RPGRIP1L: variants seen among roughly 807,000 people sequenced by gnomAD.
The protein encoded by RPGRIP1L is RPGRIP1 like.
RPGRIP1L carries 131 observed loss-of-function variants against 160.4 expected under a neutral mutation model. That is an observed-to-expected ratio of 0.82 (90% CI 0.71 to 0.94). RPGRIP1L has a LOEUF of 0.94. Among genes scored for constraint, RPGRIP1L ranks in the 40% least tolerant of loss-of-function variants. The pLI is 0.00. For synonymous variants in RPGRIP1L, 510 were observed against 515.8 expected, an observed-to-expected ratio of 0.99 and a Z score of 0.15; for missense variants, 1,522 against 1,535.8, an observed-to-expected ratio of 0.99 and a Z score of 0.15.
At chr16:53,621,144 A>T (rs1016607364) in intron 23 of RPGRIP1L, among the ~76,000 whole-genome samples, 1 of 152,202 alleles carries the variant, frequency 6.6e-6, no homozygotes, top group African/African-American at 2.4e-5. Context: ...AATCAAATTT[A>T]TCTAAGTGGT....
At chr16:53,629,251 G>A (rs550249614) in intron 22 of RPGRIP1L, among the ~76,000 whole-genome samples, 1 of 152,170 alleles carries the variant, frequency 6.6e-6, no homozygotes, top group East Asian at 1.9e-4. Flanking sequence ...ATTTAACAAT[G>A]CTCCCCAGAC....
chr16:53,640,780 TA>T lies in RPGRIP1L; in HGVS notation c.2958+252del, dbSNP rs890389498. Among the ~76,000 whole-genome samples, 297 of 147,886 alleles carry T rather than the reference TA, an allele frequency of 2.0e-3. 2 individuals are homozygous for T. Among genetic ancestry groups the T allele is most frequent in the African/African-American group, 6.8e-3 (275 of 40,428 alleles). On this transcript the variant is annotated intron_variant, in intron 19 of 26. Transcript: ENST00000647211. ...GAATTTAGACAATTTTTTGAAGACT[TA>T]AAAAAAAAATAGGAGCAGAGGATTG...
intron 4 of RPGRIP1L, among the ~76,000 whole-genome samples, chr16:53,688,345 T>C (rs1970161877): frequency 6.6e-6 from 1 of 151,992 alleles, no homozygotes; most frequent in Admixed American, 6.6e-5. Flanking sequence ...GTGATAAGGG[T>C]TTTTTAAATT....
intron 22 of RPGRIP1L, among the ~76,000 whole-genome samples, chr16:53,624,808 C>T (rs1165262757): frequency 3.4e-5 from 5 of 146,456 alleles, no homozygotes; most frequent in African/African-American, 1.3e-4. Context: ...CCACGGTCTC[C>T]CTCTGTTGCC....
intron 5 of RPGRIP1L, 112 bp from the exon 6 acceptor site, chr16:53,686,688 T>G (rs1970042343): frequency 3.0e-6 from 3 of 1,015,536 alleles, no homozygotes. Context: ...GTTAAAAAAT[T>G]TAGCTTAAGT....
At chr16:53,633,914 A>C (rs527684046) in intron 22 of RPGRIP1L, among the ~76,000 whole-genome samples, 10 of 152,264 alleles carry the variant, frequency 6.6e-5, no homozygotes, top group Admixed American at 5.2e-4. Context: ...TAGTACACAC[A>C]AAAACTGGTA....
chr16:53,606,697 T>A (rs972195598), intron 25 of RPGRIP1L, among the ~76,000 whole-genome samples: 3 of 152,172 alleles, frequency 2.0e-5, no homozygotes, highest in Admixed American at 6.5e-5. Flanking sequence ...CACTGCAACC[T>A]CTGCCTCCTG....
intron 13 of RPGRIP1L, 89 bp downstream of exon 13, chr16:53,657,364 G>A (rs1466916841): frequency 2.3e-6 from 2 of 853,894 alleles, no homozygotes; most frequent in Non-Finnish European, 3.8e-6. Flanking sequence ...GATGTTAATA[G>A]ATAACAGGTG....
At chr16:53,699,200 T>C (rs1484262738) in intron 2 of RPGRIP1L, among the ~76,000 whole-genome samples, 4 of 151,752 alleles carry the variant, frequency 2.6e-5, no homozygotes, top group African/African-American at 9.7e-5. Flanking sequence ...AGCATGCTCG[T>C]TAAGAGTCAT....
At chr16:53,648,940 G>C (rs1021698859) in intron 16 of RPGRIP1L, 24 bp downstream of exon 16, 7 of 1,601,376 alleles carry the variant, frequency 4.4e-6, no homozygotes, top group Non-Finnish European at 6.0e-6. Flanking sequence ...GTCATAAAAG[G>C]GTCTTAAAGC....
intron 9 of RPGRIP1L, among the ~76,000 whole-genome samples, chr16:53,667,114 A>G (rs1261399654): frequency 6.6e-6 from 1 of 152,182 alleles, no homozygotes; most frequent in Non-Finnish European, 1.5e-5. Context: ...ATGTTTTTGT[A>G]TATTGCCTAT....
chr16:53,622,334 A>G lies in RPGRIP1L; in HGVS notation c.3317T>C (p.Leu1106Pro). 1.6e-6 allele frequency: 1 copy of G among 638,834 alleles called. No individual in the cohort carries two copies. 39.6% of individuals were successfully genotyped at this position (638,834 alleles called of 1,614,324 possible). ...AGCTGAGATCGCGCTACTGCACCCCAGCCCGGGAGACAATGCGAGACTCTG... is the reference window on the plus strand; with the variant it reads ...AGCTGAGATCGCGCTACTGCACCCCGGCCCGGGAGACAATGCGAGACTCTG... ...IKQSLALSPGLGCSSAISAHC... is the reference protein window; with the variant it reads ...IKQSLALSPGPGCSSAISAHC... Residue 1106 changes from leucine to proline, a missense_variant, in exon 23 of 27, where the codon CTG becomes CCG. By Grantham distance (98) the Leu-to-Pro change is moderately conservative. Coordinates refer to ENST00000647211, the MANE Select transcript of RPGRIP1L (RefSeq NM_015272.5).
chr16:53,647,180 T>C (rs1966610550), intron 16 of RPGRIP1L, among the ~76,000 whole-genome samples: 1 of 152,140 alleles, frequency 6.6e-6, no homozygotes, highest in Non-Finnish European at 1.5e-5. Flanking sequence ...GCCAGAAAGA[T>C]GGTCTCTGGA....
chr16:53,622,846 A>ACACACACACACAC (rs1964828247), intron 22 of RPGRIP1L, among the ~76,000 whole-genome samples: 1 of 113,202 alleles, frequency 8.8e-6, no homozygotes, highest in African/African-American at 5.1e-5. Context: ...CACACACACA[A>ACACACACACACAC]ATAGCCAGGC....
chr16:53,616,165 A>G lies in RPGRIP1L; in HGVS notation c.3616+2860T>C, dbSNP rs115927743. Among the ~76,000 whole-genome samples, 756 of 152,286 alleles carry G rather than the reference A, an allele frequency of 5.0e-3. 6 individuals are homozygous for G. Among genetic ancestry groups the G allele is most frequent in the African/African-American group, 0.017 (708 of 41,558 alleles). On this transcript the variant is annotated intron_variant, in intron 24 of 26. Transcript: ENST00000647211. ...AATTGTCCTCTAAATTATCCATTTG[A>G]ATTAAAAAGTCAGTTTGGAAATAAA... is the stretch of plus-strand genomic sequence containing the variant.
At chr16:53,702,444 T>A (rs1270773999) in intron 1 of RPGRIP1L, among the ~76,000 whole-genome samples, 1 of 152,188 alleles carries the variant, frequency 6.6e-6, no homozygotes, top group East Asian at 1.9e-4. Context: ...TGAAAAACCC[T>A]GCACAATGCT....
intron 1 of RPGRIP1L, chr16:53,703,358 G>A (rs1480996427): frequency 6.6e-6 from 1 of 152,100 alleles, no homozygotes; most frequent in Non-Finnish European, 1.5e-5. Flanking sequence ...CAAAACCCCC[G>A]CCTTTATGAA....
At chr16:53,655,923 T>C (rs1291493001) in intron 14 of RPGRIP1L, among the ~76,000 whole-genome samples, 1 of 152,112 alleles carries the variant, frequency 6.6e-6, no homozygotes, top group Admixed American at 6.5e-5. Flanking sequence ...CTTGGAATCA[T>C]GGTAGAAAGG....
chr16:53,625,475 T>G (rs1220611754), intron 22 of RPGRIP1L, among the ~76,000 whole-genome samples: 1 of 130,306 alleles, frequency 7.7e-6, no homozygotes, highest in Admixed American at 7.4e-5. Context: ...ATCTGGGGGC[T>G]GGGGGGGGCG....
Sources: allele counts gnomAD v4.1 joint callset (sites outside exome capture counted in the v4.1 genomes callset), GRCh38; gene constraint gnomAD v4.1.1; transcripts MANE v1.5; gene names NCBI Gene and HGNC (gene_info 2026-07-23, HGNC 2026-07-21).